The following NOS1AP variants were observed in gnomAD, a reference collection of about 807,000 sequenced individuals.
NOS1AP encodes carboxyl-terminal PDZ ligand of neuronal nitric oxide synthase protein.
In NOS1AP, 21 loss-of-function variants were observed where a neutral mutation model predicts 56.2. The ratio of observed to expected loss-of-function variants is 0.37; its 90% confidence interval spans 0.26 to 0.54. The LOEUF is 0.54. Ranked by LOEUF, NOS1AP falls within the 20% of genes least tolerant of loss-of-function variation. The pLI is 0.84. For missense variants in NOS1AP, 522 were observed against 657.8 expected (o/e 0.79, Z 2.26); for synonymous variants, 270 against 274.6 (o/e 0.98, Z 0.17).
chr1:162,294,169 C>CAGGA (rs1655363620), intron 3 of NOS1AP, among the ~76,000 whole-genome samples: 1 of 102,862 alleles, frequency 9.7e-6, no homozygotes, highest in South Asian at 3.1e-4. Context: ...GGAAGGAAGG[C>CAGGA]AGGTAGGAAG....
chr1:162,328,274 G>C (rs898222910), intron 4 of NOS1AP, among the ~76,000 whole-genome samples: 1 of 152,218 alleles, frequency 6.6e-6, no homozygotes, highest in African/African-American at 2.4e-5. Context: ...TTAATACCTA[G>C]GTGATGGGTT....
chr1:162,317,403 G>A (rs559292110), intron 4 of NOS1AP: 1 of 152,296 alleles, frequency 6.6e-6, no homozygotes, highest in Non-Finnish European at 1.5e-5. Context: ...TTTTTTGTAT[G>A]TGTATATGTA....
chr1:162,287,368 A>C lies in NOS1AP; in HGVS notation c.202A>C (p.Lys68Gln). The C allele has an allele frequency of 6.2e-7, 1 of 1,613,088 alleles. No homozygotes were observed. The highest frequency in any genetic ancestry group is 8.5e-7 in the Non-Finnish European group (1 of 1,179,070). ...IRYEFKAKNIKKKKVSIMVSV... is the reference protein window; with the variant it reads ...IRYEFKAKNIQKKKVSIMVSV... Reference sequence around the variant, plus strand: ...GTATGAGTTTAAAGCCAAGAACATCAAGAAGAAGAAAGTGAGCATTATGGT... The same window carrying C: ...GTATGAGTTTAAAGCCAAGAACATCCAGAAGAAGAAAGTGAGCATTATGGT... The change falls in exon 3 of 10, where the codon AAG (lysine) becomes CAG (glutamine). Residue 68 changes from lysine (K) to glutamine (Q), a missense_variant. Physicochemically the swap from Lys to Gln is moderately conservative, Grantham distance 53 (BLOSUM62 1). Around this residue, in one of 4 missense-constraint regions of NOS1AP, gnomAD observed 132 missense variants for 218.1 expected, o/e 0.61. Transcript: ENST00000361897.
At chr1:162,180,751 T>G (rs1444707277) in intron 2 of NOS1AP, among the ~76,000 whole-genome samples, 1 of 152,128 alleles carries the variant, frequency 6.6e-6, no homozygotes, top group Admixed American at 6.5e-5. Context: ...AGATGACCCA[T>G]GAGCTTCAGA....
intron 1 of NOS1AP, among the ~76,000 whole-genome samples, chr1:162,144,080 C>G (rs574175139): frequency 1.6e-4 from 24 of 152,308 alleles, no homozygotes; most frequent in African/African-American, 5.5e-4. Flanking sequence ...TTCAGATGAA[C>G]CAAATAGGGA....
intron 5 of NOS1AP, among the ~76,000 whole-genome samples, chr1:162,334,749 A>C (rs1656884278): frequency 6.6e-6 from 1 of 152,182 alleles, no homozygotes; most frequent in East Asian, 1.9e-4. Context: ...TTTAATAGTT[A>C]ATCTTATTTT....
chr1:162,281,378 C>T (rs151190198), intron 2 of NOS1AP, among the ~76,000 whole-genome samples: 75 of 152,300 alleles, frequency 4.9e-4, no homozygotes, highest in African/African-American at 1.7e-3. Context: ...CCTCCTATGT[C>T]CTGGTCTCTT....
intron 4 of NOS1AP, among the ~76,000 whole-genome samples, chr1:162,324,988 A>G (rs1486360959): frequency 6.6e-6 from 1 of 152,198 alleles, no homozygotes; most frequent in Non-Finnish European, 1.5e-5. Flanking sequence ...TGTCTGTGGA[A>G]GTCAGGCTGT....
At chr1:162,310,215 A>G (rs564644691) in intron 4 of NOS1AP, among the ~76,000 whole-genome samples, 1 of 152,332 alleles carries the variant, frequency 6.6e-6, no homozygotes, top group South Asian at 2.1e-4. Context: ...CATAAAAAAA[A>G]TCAGGGAATG....
chr1:162,121,717 T>G (rs1281841060), intron 1 of NOS1AP, among the ~76,000 whole-genome samples: 1 of 152,144 alleles, frequency 6.6e-6, no homozygotes, highest in Non-Finnish European at 1.5e-5. Flanking sequence ...AAAATAACAG[T>G]GAAAGTTAGC....
chr1:162,092,599 A>G (rs1409009828), intron 1 of NOS1AP, among the ~76,000 whole-genome samples: 1 of 152,188 alleles, frequency 6.6e-6, no homozygotes, highest in Non-Finnish European at 1.5e-5. Flanking sequence ...TTTGGGCAAG[A>G]AGATAGTAAT....
chr1:162,081,768 A>ATG (rs1558090600), intron 1 of NOS1AP, among the ~76,000 whole-genome samples: 4 of 11,594 alleles, frequency 3.5e-4, no homozygotes, highest in African/African-American at 5.2e-4. Context: ...ATATATATAT[A>ATG]TATATATTTT....
chr1:162,217,292 C>T (rs1423996107), intron 2 of NOS1AP, among the ~76,000 whole-genome samples: 49 of 5,792 alleles, frequency 8.5e-3, no homozygotes, highest in African/African-American at 0.022. Flanking sequence ...GAGATGAAGT[C>T]TCACTCTATC....
chr1:162,160,520 T>C (rs1221933281), intron 2 of NOS1AP, among the ~76,000 whole-genome samples: 1 of 152,216 alleles, frequency 6.6e-6, no homozygotes, highest in Non-Finnish European at 1.5e-5. Flanking sequence ...GTGCCGCCTG[T>C]CTGCACTTGT....
chr1:162,111,489 C>G (rs1350274926), intron 1 of NOS1AP, among the ~76,000 whole-genome samples: 1 of 152,084 alleles, frequency 6.6e-6, no homozygotes, highest in Non-Finnish European at 1.5e-5. Flanking sequence ...AAGCTCTGTC[C>G]CAGAGGAATG....
intron 1 of NOS1AP, among the ~76,000 whole-genome samples, chr1:162,097,382 T>C (rs1404101582): frequency 6.6e-6 from 1 of 152,208 alleles, no homozygotes; most frequent in East Asian, 1.9e-4. Context: ...TTCTGATGTA[T>C]GGAACTTTAA....
At chr1:162,139,976 C>T (rs1170777111) in intron 1 of NOS1AP, among the ~76,000 whole-genome samples, 1 of 152,074 alleles carries the variant, frequency 6.6e-6, no homozygotes, top group Non-Finnish European at 1.5e-5. Context: ...TACAGGTGTG[C>T]ACCACCACAC....
chr1:162,218,027 A>C (rs1312554582), intron 2 of NOS1AP, among the ~76,000 whole-genome samples: 1 of 152,178 alleles, frequency 6.6e-6, no homozygotes, highest in South Asian at 2.1e-4. Flanking sequence ...TGAATCTTGG[A>C]GAGGTTGACT....
At chr1:162,301,482 C>G (rs2101754586) in intron 4 of NOS1AP, among the ~76,000 whole-genome samples, 1 of 152,302 alleles carries the variant, frequency 6.6e-6, no homozygotes, top group East Asian at 1.9e-4. Flanking sequence ...CAGCCAGTTT[C>G]TGGTATTTTA....
Sources: gnomAD v4.1 joint callset for allele counts (sites outside exome capture counted in the v4.1 genomes callset) on GRCh38, gnomAD v4.1.1 for gene constraint, gnomAD v4.1.1 regional missense constraint, MANE v1.5 for transcripts, NCBI Gene and HGNC (gene_info 2026-07-23, HGNC 2026-07-21) for gene names.